The following EWSR1 variants were observed in gnomAD, a reference collection of about 807,000 sequenced individuals.
The protein encoded by EWSR1 is RNA-binding protein EWS.
Under a neutral mutation model 92.1 loss-of-function variants are expected in EWSR1, and 14 were observed. The ratio of observed to expected loss-of-function variants is 0.15; its 90% CI spans 0.10 to 0.24. The LOEUF (loss-of-function observed/expected upper bound fraction) is 0.24. Among genes scored for constraint, EWSR1 ranks in the 10% least tolerant of loss-of-function variants. The pLI, the probability that EWSR1 is intolerant of heterozygous loss-of-function variation, is 1.00. For missense variants in EWSR1, 637 were observed against 870.9 expected, an observed-to-expected ratio of 0.73 and a Z score of 3.38; for synonymous variants, 303 against 292.9, an observed-to-expected ratio of 1.03 and a Z score of -0.35.
In EWSR1 at chr22:29,299,774, T is replaced by TG; in HGVS notation, c.1860dup (p.Pro621AlafsTer24). The TG allele has an allele frequency of 6.2e-7, 1 of 1,602,966 alleles. No homozygotes were observed. The highest frequency in any genetic ancestry group is 8.5e-7 in the Non-Finnish European group (1 of 1,173,230). ...TTGGTGGAGGAAGACGAGGTGGCCCTGGGGGGCCCCCTGGACCTTTGATGG... is the reference window on the plus strand; with the variant it reads ...TTGGTGGAGGAAGACGAGGTGGCCCTGGGGGGGCCCCCTGGACCTTTGATGG... On this transcript the variant is annotated frameshift_variant, in exon 16 of 17. Coordinates refer to ENST00000397938, the MANE Select transcript of EWSR1 (RefSeq NM_005243.4). LOFTEE classifies it high-confidence loss of function.
In EWSR1 at chr22:29,300,185, A is replaced by G. The variant is rs1310444519; in HGVS notation, c.*24A>G. On this transcript the variant is annotated 3_prime_UTR_variant, in exon 17 of 17. Transcript: ENST00000397938. ...AGATGCAGAGACCCCGCAGAGCTGC[A>G]TTGACTACCAGATTTATTTTTTAAA... The G allele has an allele frequency of 1.2e-6, 2 of 1,603,000 alleles. No homozygotes were observed. Among genetic ancestry groups the G allele is most frequent in the African/African-American group, 1.4e-5 (1 of 73,416 alleles).
At chr22:29,299,452 T>A in intron 15 of EWSR1, 121 bp downstream of exon 15, 1 of 1,494,676 alleles carries the variant, frequency 6.7e-7, no homozygotes, top group Admixed American at 2.4e-5. Flanking sequence ...CGTGTCCTCA[T>A]TTCTAAATTG....
chr22:29,289,634 A>G (rs1412960748), intron 8 of EWSR1: 1 of 232,498 alleles, frequency 4.3e-6, no homozygotes. Flanking sequence ...TGGTAAAGAA[A>G]AAAAAAAGTT....
intron 3 of EWSR1, among the ~76,000 whole-genome samples, chr22:29,272,806 A>C (rs1569046022): frequency 6.6e-6 from 1 of 152,220 alleles, no homozygotes. Flanking sequence ...ATATTAAGTA[A>C]CTTGCCAGTG....
intron 6 of EWSR1, 31 bp from the exon 7 acceptor site, chr22:29,286,892 C>CT (rs754136243): frequency 0.046 from 50,208 of 1,093,630 alleles, 2 homozygotes; most frequent in Non-Finnish European, 0.051. Flanking sequence ...TCTAAAAAAG[C>CT]TTTTTTTTTT....
chr22:29,274,735 A>G (rs1000923106), intron 4 of EWSR1, among the ~76,000 whole-genome samples: 2 of 137,278 alleles, frequency 1.5e-5, no homozygotes, highest in Non-Finnish European at 3.2e-5. Flanking sequence ...TGTCTTGAAT[A>G]TATATAACAT....
intron 3 of EWSR1, 116 bp from the exon 4 acceptor site, chr22:29,273,625 T>C: frequency 8.2e-7 from 1 of 1,219,134 alleles, no homozygotes; most frequent in Non-Finnish European, 1.1e-6. Flanking sequence ...TGTTTTGTTT[T>C]TTTAATCTTC....
At chr22:29,272,467 C>T (rs1422854817) in intron 3 of EWSR1, 36 bp downstream of exon 3, 1 of 1,578,994 alleles carries the variant, frequency 6.3e-7, no homozygotes, top group Non-Finnish European at 8.7e-7. Context: ...GCTGCACCTC[C>T]AAGTAAAATC....
At chr22:29,298,983 C>T in intron 14 of EWSR1, 88 bp downstream of exon 14, 1 of 1,425,070 alleles carries the variant, frequency 7.0e-7, no homozygotes, top group South Asian at 1.4e-5. Context: ...ATTGCTCTGT[C>T]TAGAGGAACA....
chr22:29,272,162 C>G (rs1569043519), intron 1 of EWSR1, 54 bp from the exon 2 acceptor site: 1 of 1,534,276 alleles, frequency 6.5e-7, no homozygotes, highest in Non-Finnish European at 9.0e-7. Flanking sequence ...CCTTTTTTCT[C>G]TTCTCCTTGT....
Position 29,276,805 on chromosome 22 carries a change from C to T in EWSR1, c.227-1225C>T, listed in dbSNP as rs189222661. Reference sequence around the variant, plus strand: ...AGCTGGGACTGAAGGCTCACGCCACCATGCCCAGCTAAGTTTGTTTATTTT... The same window carrying T: ...AGCTGGGACTGAAGGCTCACGCCACTATGCCCAGCTAAGTTTGTTTATTTT... On this transcript the variant is annotated intron_variant, in intron 4 of 16. Transcript: ENST00000397938. 8.6e-5 allele frequency: 20 copies of T among 231,544 alleles called. No homozygotes were observed. In the East Asian group the frequency reaches 1.2e-3, roughly 14 times the overall value. 14.3% of individuals were successfully genotyped at this position (231,544 alleles called of 1,614,324 possible). A position where few individuals can be genotyped will look rare whatever the true frequency, so the allele number is the denominator to read the frequency against.
At position 29,269,164 on chromosome 22, in the gene EWSR1, C is replaced by T. The variant is rs2058429665; in HGVS notation, c.13+815C>T. On this transcript the variant is annotated intron_variant, in intron 1 of 16. Transcript: ENST00000397938. ...AGCCTGGGTCGAGAGACGAGAAACG[C>T]TACCAGAAAGATATTTCTGGTCTCT... 3 of 152,228 alleles carry T rather than the reference C, an allele frequency of 2.0e-5. No individual in the cohort carries two copies. The South Asian group carries it at 6.2e-4, about 32-fold the overall frequency. 9.4% of individuals were successfully genotyped at this position (152,228 alleles called of 1,614,324 possible).
At chr22:29,287,558 T>C (rs1428611722) in intron 7 of EWSR1, among the ~76,000 whole-genome samples, 1 of 152,150 alleles carries the variant, frequency 6.6e-6, no homozygotes, top group East Asian at 1.9e-4. Flanking sequence ...TGTTTGCTTT[T>C]GGAATCCAGG....
intron 7 of EWSR1, among the ~76,000 whole-genome samples, 194 bp downstream of exon 7, chr22:29,287,328 C>T (rs947031769): frequency 3.3e-5 from 5 of 152,154 alleles, no homozygotes; most frequent in Non-Finnish European, 7.4e-5. Context: ...CTGCCCCAGC[C>T]TCCCGAGTAG....
intron 3 of EWSR1, 65 bp from the exon 4 acceptor site, chr22:29,273,667 AATTTAGTCC>A: frequency 4.6e-6 from 7 of 1,535,096 alleles, no homozygotes; most frequent in Non-Finnish European, 6.2e-6. Flanking sequence ...TTGGTTCTCC[AATTTAGTCC>A]ATTTTATTGC....
intron 1 of EWSR1, among the ~76,000 whole-genome samples, chr22:29,270,763 T>G (rs1041752081): frequency 6.6e-6 from 1 of 152,242 alleles, no homozygotes; most frequent in Admixed American, 6.5e-5. Flanking sequence ...GTTAAATGAT[T>G]CATTGCTGTG....
rs979668761 is a variant in EWSR1 at position 29,272,496 on chromosome 22, C to T, written c.102+65C>T. Reference sequence around the variant, plus strand: ...TAAAATCAGTATATTATCCAGTTATCTTTCAGTTATCCAGTAAAACAAATG... The same window carrying T: ...TAAAATCAGTATATTATCCAGTTATTTTTCAGTTATCCAGTAAAACAAATG... On this transcript the variant is annotated intron_variant, in intron 3 of 16. Transcript: ENST00000397938. 46 of 1,483,930 alleles carry T rather than the reference C, an allele frequency of 3.1e-5. 1 individual carries two copies. The highest frequency in any genetic ancestry group is 4.8e-4 in the Middle Eastern group (2 of 4,172). 91.9% of individuals were successfully genotyped at this position (1,483,930 alleles called of 1,614,324 possible). A position where few individuals can be genotyped will look rare whatever the true frequency, so the allele number is the denominator to read the frequency against.
At chr22:29,281,864 C>T (rs1026202284) in intron 5 of EWSR1, among the ~76,000 whole-genome samples, 1 of 152,170 alleles carries the variant, frequency 6.6e-6, no homozygotes, top group African/African-American at 2.4e-5. Flanking sequence ...GGATTATAGG[C>T]ATGAGCCATT....
At position 29,298,819 on chromosome 22, in the gene EWSR1, C is replaced by A; in HGVS notation, c.1504C>A (p.Pro502Thr). 1 of 1,601,266 alleles carries A rather than the reference C, an allele frequency of 6.2e-7. No homozygotes were observed. Among genetic ancestry groups the A allele is most frequent in the African/African-American group, 1.4e-5 (1 of 73,992 alleles). The change falls in exon 14 of 17, where the codon CCC becomes ACC. Residue 502 changes from proline (P) to threonine (T), a missense_variant. This residue lies in a region of EWSR1 where 363 missense variants were observed against 447.8 expected (regional missense o/e 0.81). Transcript: ENST00000397938. ...TAGAGGAGGCTTCCCTCCAAGAGGA[C>A]CCCGGGGTTCCCGAGGGAACCCCTC... ...GDRGGFPPRG[P>T]RGSRGNPSGG...
Sources: gnomAD v4.1 joint callset for allele counts (sites outside exome capture counted in the v4.1 genomes callset) on GRCh38, gnomAD v4.1.1 for gene constraint, gnomAD v4.1.1 regional missense constraint, MANE v1.5 for transcripts, NCBI Gene and HGNC (gene_info 2026-07-23, HGNC 2026-07-21) for gene names.